Variants in PIGN observed in about 807,000 individuals in gnomAD.
PIGN encodes GPI ethanolamine phosphate transferase 1.
A neutral mutation model predicts 125.4 loss-of-function variants in PIGN; 117 were observed. That is an observed-to-expected ratio of 0.93 (90% CI 0.80 to 1.09). PIGN has a LOEUF of 1.09. PIGN is among the 50% of genes least tolerant of loss of function. The pLI, the probability that PIGN is intolerant of heterozygous loss-of-function variation, is 0.00. For missense variants in PIGN, 1,075 were observed against 1,094.9 expected, an observed-to-expected ratio of 0.98 and a Z score of 0.26; for synonymous variants, 392 against 377.8, an observed-to-expected ratio of 1.04 and a Z score of -0.44.
intron 14 of PIGN, chr18:62,138,041 C>T (rs2035998525): frequency 3.1e-6 from 2 of 649,388 alleles, no homozygotes; most frequent in East Asian, 6.9e-5. Context: ...TCCCTCATCC[C>T]TCTTCCAGCC....
In PIGN at chr18:62,042,281, A is replaced by G. The variant is rs184478690; in HGVS notation, c.*3575T>C. 3 of 152,292 alleles carry G rather than the reference A, an allele frequency of 2.0e-5. No homozygotes were observed. The highest frequency in any genetic ancestry group is 2.0e-4 in the Admixed American group (3 of 15,294). 9.4% of individuals were successfully genotyped at this position (152,292 alleles called of 1,614,324 possible). A position where few individuals can be genotyped will look rare whatever the true frequency, so the allele number is the denominator to read the frequency against. ...GCTTGCAGTGAGCTGACATTGCGCC[A>G]CTGCATTCCAGCCTTGGCGAGAGAG... is the stretch of plus-strand genomic sequence containing the variant. On this transcript the variant is annotated 3_prime_UTR_variant, in exon 31 of 31. Transcript: ENST00000640252.
At chr18:62,072,584 G>T in intron 30 of PIGN, 89 bp downstream of exon 30, 1 of 989,130 alleles carries the variant, frequency 1.0e-6, no homozygotes, top group Non-Finnish European at 1.6e-6. Flanking sequence ...TATACTCTGT[G>T]ATGTTTGCAC....
rs934465368 is a variant in PIGN, at chr18:62,090,554, C to T, written c.2205G>A (p.Val735=). The T allele has an allele frequency of 1.2e-6, 2 of 1,608,218 alleles. No individual in the cohort carries two copies. Among genetic ancestry groups the T allele is most frequent in the Non-Finnish European group, 8.5e-7 (1 of 1,175,848 alleles). Residue 735 remains valine (V), a synonymous_variant, in exon 24 of 31, where the codon GTG becomes GTA. Transcript: ENST00000640252. ...TCCAGACAAACATCAAACAAGACAACACTAGTGGAAAGAGAGCTTCATACC... is the reference window on the plus strand; with the variant it reads ...TCCAGACAAACATCAAACAAGACAATACTAGTGGAAAGAGAGCTTCATACC... ...STGYEALFPL[V]LSCLMFVWIN... is the part of the protein sequence containing the mutation.
At chr18:62,079,000 G>T (rs1429746298) in intron 28 of PIGN, among the ~76,000 whole-genome samples, 1 of 152,128 alleles carries the variant, frequency 6.6e-6, no homozygotes, top group Non-Finnish European at 1.5e-5. Flanking sequence ...AGTCCTATCT[G>T]TGGCCCCTTC....
rs567960512 is a variant in PIGN at position 62,168,240 on chromosome 18, ATATTT to A, written c.-235-4589_-235-4585del. Among the ~76,000 whole-genome samples the A allele has an allele frequency of 4.6e-5, 7 of 152,232 alleles. No individual in the cohort carries two copies. The South Asian group carries it at 1.5e-3, about 32-fold the overall frequency. On this transcript the variant is annotated intron_variant, in intron 1 of 30. Transcript: ENST00000640252. ...TTACCAACTTTTCTTTCTGGTTATTATATTTTATGTCCCAACTATGGAATCATTGT... is the reference window on the plus strand; with the variant it reads ...TTACCAACTTTTCTTTCTGGTTATTATATGTCCCAACTATGGAATCATTGT...
intron 2 of PIGN, among the ~76,000 whole-genome samples, chr18:62,163,138 C>T (rs2037013335): frequency 6.6e-6 from 1 of 152,054 alleles, no homozygotes; most frequent in African/African-American, 2.4e-5. Context: ...ATTTGCTTGC[C>T]TGCTAGCCAG....
chr18:62,081,156 G>T (rs562108689), intron 28 of PIGN, among the ~76,000 whole-genome samples: 1 of 152,150 alleles, frequency 6.6e-6, no homozygotes, highest in South Asian at 2.1e-4. Flanking sequence ...AAACAAATAA[G>T]TCATTAGTAT....
intron 2 of PIGN, 79 bp downstream of exon 2, chr18:62,163,452 C>A (rs1174113767): frequency 6.6e-6 from 1 of 152,108 alleles, no homozygotes; most frequent in Non-Finnish European, 1.5e-5. Flanking sequence ...GTTTCAAGAG[C>A]ATTTTGTTGG....
intron 23 of PIGN, among the ~76,000 whole-genome samples, chr18:62,033,080 C>T (rs931024712): frequency 5.9e-5 from 9 of 152,166 alleles, no homozygotes; most frequent in African/African-American, 2.2e-4. Flanking sequence ...GCCAAGGGGA[C>T]CTGCAAGGAA....
chr18:62,112,149 T>G (rs1360858066), intron 16 of PIGN, among the ~76,000 whole-genome samples: 1 of 152,192 alleles, frequency 6.6e-6, no homozygotes, highest in Non-Finnish European at 1.5e-5. Context: ...TAAGAATGCC[T>G]AGATACAATT....
chr18:62,157,887 A>C (rs1183431488), intron 4 of PIGN, 79 bp from the exon 5 acceptor site: 1 of 1,317,170 alleles, frequency 7.6e-7, no homozygotes, highest in East Asian at 2.5e-5. Context: ...ACATAAGATT[A>C]TTACAGAAGG....
intron 4 of PIGN, 146 bp from the exon 5 acceptor site, chr18:62,157,954 C>T: frequency 1.5e-6 from 1 of 671,684 alleles, no homozygotes; most frequent in Non-Finnish European, 2.4e-6. Context: ...TTTTCAAATT[C>T]CAGGTGAGCC....
In PIGN at chr18:62,109,942, AC is replaced by A; in HGVS notation, c.1465del (p.Val489Ter). The A allele has an allele frequency of 6.2e-7, 1 of 1,613,506 alleles. No individual in the cohort carries two copies. Among genetic ancestry groups the A allele is most frequent in the Non-Finnish European group, 8.5e-7 (1 of 1,179,570 alleles). On this transcript the variant is annotated frameshift_variant, in exon 17 of 31. Coordinates refer to ENST00000640252, the MANE Select transcript of PIGN (RefSeq NM_176787.5). LOFTEE classifies it high-confidence loss of function. The part of the protein sequence containing the change: ...KPSHLLPCSF[V>X]AIGILVAFFL... Reference sequence around the variant, plus strand: ...AAATGCTACTAAAATGCCAATAGCTACAAAACTACAAGGCAGGAGATGGCTT... The same window carrying A: ...AAATGCTACTAAAATGCCAATAGCTAAAAACTACAAGGCAGGAGATGGCTT...
At chr18:62,040,011 C>A (rs549528130), downstream of PIGN, among the ~76,000 whole-genome samples, 22 of 105,832 alleles carry the variant, frequency 2.1e-4, no homozygotes, top group African/African-American at 7.6e-4. Flanking sequence ...GGGCCCCATC[C>A]AGGGTGCCGC....
chr18:62,090,332 T>G, intron 24 of PIGN, 144 bp downstream of exon 24: 1 of 556,602 alleles, frequency 1.8e-6, no homozygotes, highest in Non-Finnish European at 3.1e-6. Context: ...TTATTAAGTT[T>G]AACTTAATTA....
intron 1 of PIGN, among the ~76,000 whole-genome samples, chr18:62,171,883 AT>A (rs576369024): frequency 3.5e-4 from 53 of 152,096 alleles, no homozygotes; most frequent in African/African-American, 1.3e-3. Flanking sequence ...AAATTTTACC[AT>A]TTTTTGCAGC....
At chr18:62,181,561 T>C (rs2037717311) in intron 1 of PIGN, among the ~76,000 whole-genome samples, 1 of 152,042 alleles carries the variant, frequency 6.6e-6, no homozygotes, top group Non-Finnish European at 1.5e-5. Context: ...CAGGTGCATG[T>C]TTACCACATT....
At chr18:62,087,666 G>A (rs1795871642) in intron 25 of PIGN, among the ~76,000 whole-genome samples, 4 of 152,090 alleles carry the variant, frequency 2.6e-5, no homozygotes, top group Non-Finnish European at 5.9e-5. Flanking sequence ...CAGAGAGGAT[G>A]GAATATTTAT....
intron 1 of PIGN, among the ~76,000 whole-genome samples, chr18:62,182,829 T>C (rs2148006959): frequency 6.6e-6 from 1 of 152,280 alleles, no homozygotes; most frequent in Non-Finnish European, 1.5e-5. Flanking sequence ...CTAAGTGAAA[T>C]AAGCCAGGTG....
Sources: gnomAD v4.1 joint callset for allele counts (sites outside exome capture counted in the v4.1 genomes callset) on GRCh38, gnomAD v4.1.1 for gene constraint, MANE v1.5 for transcripts, NCBI Gene and HGNC (gene_info 2026-07-23, HGNC 2026-07-21) for gene names.